ADGRG7: variants seen among roughly 807,000 people sequenced by gnomAD.
The protein encoded by ADGRG7 is adhesion G protein-coupled receptor G7, also known as G-protein coupled receptor 128.
ADGRG7 carries 82 observed loss-of-function variants against 88.6 expected under a neutral mutation model. The ratio of observed to expected loss-of-function variants is 0.93; its 90% CI spans 0.77 to 1.11. The LOEUF is 1.11. Ranked by LOEUF, ADGRG7 falls within the 50% of genes most tolerant of loss-of-function variation. ADGRG7 has a pLI of 0.00. For synonymous variants in ADGRG7, 381 were observed against 345.2 expected, an observed-to-expected ratio of 1.10 and a Z score of -1.15; for missense variants, 945 against 953.4, an observed-to-expected ratio of 0.99 and a Z score of 0.12.
intron 8 of ADGRG7, among the ~76,000 whole-genome samples, chr3:100,645,729 T>G (rs1480501709): frequency 6.6e-6 from 1 of 151,186 alleles, no homozygotes; most frequent in South Asian, 2.1e-4. Context: ...AAACTGAAGC[T>G]CAGAAAAAAA....
chr3:100,646,622 G>A lies in ADGRG7; in HGVS notation c.1164G>A (p.Leu388=), dbSNP rs1326260250. ...CCTATGCCTGTGTCTATTGGAATTT[G>A]TCAGCGAAGGACTGGGACACATATG... is the stretch of plus-strand genomic sequence containing the variant. ...LYSYACVYWN[L]SAKDWDTYGC... Residue 388 remains leucine, a synonymous_variant, in exon 10 of 16, where the codon TTG becomes TTA. Transcript: ENST00000273352. 7.4e-6 allele frequency: 12 copies of A among 1,613,946 alleles called. No homozygotes were observed. The highest frequency in any genetic ancestry group is 1.0e-5 in the Non-Finnish European group (12 of 1,179,942).
intron 15 of ADGRG7, among the ~76,000 whole-genome samples, chr3:100,685,206 A>G (rs1042061841): frequency 1.3e-5 from 2 of 151,956 alleles, no homozygotes; most frequent in Non-Finnish European, 2.9e-5. Flanking sequence ...CTAGCTGACA[A>G]TTTTTCTTTA....
chr3:100,644,477 A>G lies in ADGRG7; in HGVS notation c.946+844A>G, dbSNP rs6807889. On this transcript the variant is annotated intron_variant, in intron 8 of 15. Coordinates refer to ENST00000273352, the MANE Select transcript of ADGRG7 (RefSeq NM_032787.3). Reference sequence around the variant, plus strand: ...CAGAAAAGTACAGAAAGTAATGTGAACAGTACCTATGTAACTATCAGCCAG... The same window carrying G: ...CAGAAAAGTACAGAAAGTAATGTGAGCAGTACCTATGTAACTATCAGCCAG... 3.8e-3 allele frequency among the ~76,000 whole-genome samples: 582 copies of G among 152,292 alleles called. 2 individuals are homozygous for G. The highest frequency in any genetic ancestry group is 0.013 in the African/African-American group (561 of 41,560).
At position 100,669,091 on chromosome 3, in the gene ADGRG7, T is replaced by C. The variant is rs776502384; in HGVS notation, c.2122T>C (p.Phe708Leu). The stretch of plus-strand genomic sequence containing the variant: ...CGTCTTCAGCTACATATTCTGCCTT[T>C]TCAACACTACACAGGTATGGTGCGG... ...RIVFSYIFCL[F>L]NTTQGLQIFI... Residue 708 changes from phenylalanine (F) to leucine (L), a missense_variant, in exon 15 of 16, where the codon TTC becomes CTC. Physicochemically the swap from Phe to Leu is conservative, Grantham distance 22 (BLOSUM62 0). Coordinates refer to ENST00000273352, the MANE Select transcript of ADGRG7 (RefSeq NM_032787.3). 24 of 1,589,766 alleles carry C rather than the reference T, an allele frequency of 1.5e-5. No individual in the cohort carries two copies. The highest frequency in any genetic ancestry group is 2.0e-5 in the Non-Finnish European group (23 of 1,169,560).
At chr3:100,630,567 C>T in intron 2 of ADGRG7, 138 bp from the exon 3 acceptor site, 1 of 385,478 alleles carries the variant, frequency 2.6e-6, no homozygotes. Context: ...TATAGAAGTT[C>T]CTCACAGGCC....
At chr3:100,650,096 T>C (rs1144117) in intron 11 of ADGRG7, among the ~76,000 whole-genome samples, 135,799 of 152,098 alleles carry the variant, frequency 0.89, 62,502 homozygotes, top group East Asian at 1. Flanking sequence ...TTCCTCAGTG[T>C]TGAATAGAAC....
chr3:100,689,906 A>C (rs1281369528), intron 15 of ADGRG7, among the ~76,000 whole-genome samples: 1 of 152,052 alleles, frequency 6.6e-6, no homozygotes, highest in Non-Finnish European at 1.5e-5. Flanking sequence ...TATTTCCTGA[A>C]TCTGAATGTT....
chr3:100,647,540 A>G (rs1013566587), intron 10 of ADGRG7, among the ~76,000 whole-genome samples: 6 of 152,172 alleles, frequency 3.9e-5, no homozygotes, highest in Non-Finnish European at 8.8e-5. Context: ...TTCTCCGTGT[A>G]TTCCTTAATT....
At chr3:100,691,957 G>T (rs2094994711) in intron 15 of ADGRG7, among the ~76,000 whole-genome samples, 1 of 152,136 alleles carries the variant, frequency 6.6e-6, no homozygotes, top group African/African-American at 2.4e-5. Flanking sequence ...ATATCAGGAT[G>T]AGCTATTCTG....
chr3:100,625,246 C>T (rs1707366181), intron 1 of ADGRG7, among the ~76,000 whole-genome samples: 1 of 152,098 alleles, frequency 6.6e-6, no homozygotes, highest in Admixed American at 6.5e-5. Context: ...GGAAGAGGTT[C>T]TTCACATCTC....
chr3:100,655,777 T>C (rs1017109666), intron 12 of ADGRG7, 122 bp from the exon 13 acceptor site: 5 of 631,730 alleles, frequency 7.9e-6, no homozygotes, highest in Non-Finnish European at 1.4e-5. Context: ...ACTTTGTATA[T>C]TGTCCATAGT....
At chr3:100,684,065 A>C (rs1255780711) in intron 15 of ADGRG7, among the ~76,000 whole-genome samples, 1 of 152,100 alleles carries the variant, frequency 6.6e-6, no homozygotes, top group African/African-American at 2.4e-5. Context: ...GTCCCACTTC[A>C]TCTTGAAATC....
At chr3:100,624,651 G>C (rs551045975) in intron 1 of ADGRG7, among the ~76,000 whole-genome samples, 1 of 152,250 alleles carries the variant, frequency 6.6e-6, no homozygotes, top group African/African-American at 2.4e-5. Context: ...TTTTCTTCTA[G>C]GGTTTTTATG....
chr3:100,685,530 G>A (rs560930632), intron 15 of ADGRG7, among the ~76,000 whole-genome samples: 1 of 151,736 alleles, frequency 6.6e-6, no homozygotes, highest in Non-Finnish European at 1.5e-5. Context: ...TCCCCTCCCC[G>A]CACCCCACAA....
intron 1 of ADGRG7, among the ~76,000 whole-genome samples, chr3:100,626,284 G>A (rs1707379595): frequency 6.6e-6 from 1 of 152,124 alleles, no homozygotes; most frequent in Non-Finnish European, 1.5e-5. Flanking sequence ...AGATTTTCTA[G>A]TTTATTTGCA....
intron 15 of ADGRG7, among the ~76,000 whole-genome samples, chr3:100,691,395 C>T (rs1414200348): frequency 6.6e-6 from 1 of 152,166 alleles, no homozygotes; most frequent in Non-Finnish European, 1.5e-5. Flanking sequence ...TGGCACTCCC[C>T]AGTGAGATGA....
At position 100,643,638 on chromosome 3, in the gene ADGRG7, G is replaced by C. The variant is rs973003689; in HGVS notation, c.946+5G>C. 15 of 1,594,466 alleles carry C rather than the reference G, an allele frequency of 9.4e-6. No individual in the cohort carries two copies. The highest frequency in any genetic ancestry group is 1.2e-5 in the Non-Finnish European group (14 of 1,165,336). ...TCTTGCTTAATATGACGAAAAGTAA[G>C]TCTCAAACTTTGTGACATTTAAAAA... On this transcript the variant is annotated splice_donor_5th_base_variant and intron_variant, in intron 8 of 15. Transcript: ENST00000273352.
chr3:100,615,858 T>C (rs894992985), intron 1 of ADGRG7, among the ~76,000 whole-genome samples: 2 of 152,164 alleles, frequency 1.3e-5, no homozygotes, highest in Non-Finnish European at 2.9e-5. Flanking sequence ...ATTTCTATGC[T>C]GTATGAAGCA....
Position 100,695,003 on chromosome 3 carries a change from CAGTAAAACTT to C in ADGRG7, c.*4_*13del. ...GACAATGCAAAGGAAAGCATCTAGA[CAGTAAAACTT>C]ACCTGTTGTGGTCTTTTTAATCACC... On this transcript the variant is annotated 3_prime_UTR_variant, in exon 16 of 16. Transcript: ENST00000273352. 6.2e-7 allele frequency: 1 copy of C among 1,611,718 alleles called. No homozygotes were observed. Among genetic ancestry groups the C allele is most frequent in the Non-Finnish European group, 8.5e-7 (1 of 1,178,424 alleles).
Sources: allele counts gnomAD v4.1 joint callset (sites outside exome capture counted in the v4.1 genomes callset), GRCh38; gene constraint gnomAD v4.1.1; transcripts MANE v1.5; gene names NCBI Gene and HGNC (gene_info 2026-07-23, HGNC 2026-07-21).